LYG1: variants seen among roughly 807,000 people sequenced by gnomAD.
LYG1 encodes lysozyme g-like protein 1.
In LYG1, 17 loss-of-function variants were observed where a neutral mutation model predicts 21.7. The observed-to-expected ratio is 0.78, with a 90% CI of 0.54 to 1.18. LYG1 has a LOEUF of 1.18. Among genes scored for constraint, LYG1 ranks in the 50% most tolerant of loss-of-function variants. The probability of loss-of-function intolerance (pLI) is 0.00; values close to 1 mark genes in which losing one functional copy is unlikely to be tolerated. For missense variants in LYG1, 211 were observed against 238.1 expected (o/e 0.89, Z 0.75); for synonymous variants, 81 against 87.4 (o/e 0.93, Z 0.41).
chr2:99,291,459 G>A (rs551271011), intron 4 of LYG1, 38 bp from the exon 5 acceptor site: 3 of 1,599,592 alleles, frequency 1.9e-6, no homozygotes, highest in Admixed American at 3.4e-5. Context: ...AGCTTGTTGT[G>A]ACTTATGCTG....
intron 5 of LYG1, among the ~76,000 whole-genome samples, chr2:99,288,395 C>A (rs1181454841): frequency 2.6e-5 from 4 of 152,104 alleles, no homozygotes; most frequent in Non-Finnish European, 5.9e-5. Context: ...CCATGTAAAT[C>A]TGGATTTGGG....
At chr2:99,289,781 A>G (rs1206623713) in intron 5 of LYG1, among the ~76,000 whole-genome samples, 3 of 152,168 alleles carry the variant, frequency 2.0e-5, no homozygotes, top group Admixed American at 6.5e-5. Context: ...TTTGATTATC[A>G]CTTCCATGTA....
intron 5 of LYG1, among the ~76,000 whole-genome samples, chr2:99,287,898 G>T (rs1210701396): frequency 6.6e-6 from 1 of 151,874 alleles, no homozygotes; most frequent in Non-Finnish European, 1.5e-5. Flanking sequence ...TATCCTAATG[G>T]ATACGTAAAT....
intron 3 of LYG1, among the ~76,000 whole-genome samples, chr2:99,293,537 T>C (rs184906638): frequency 6.6e-6 from 1 of 152,318 alleles, no homozygotes; most frequent in Non-Finnish European, 1.5e-5. Context: ...GAGAGAGGCA[T>C]GGGACCAGTC....
At chr2:99,299,595 T>G (rs2094148167) in intron 1 of LYG1, among the ~76,000 whole-genome samples, 1 of 151,922 alleles carries the variant, frequency 6.6e-6, no homozygotes, top group African/African-American at 2.4e-5. Flanking sequence ...CAGCTAATTT[T>G]TGTATTTTTA....
At chr2:99,303,474 T>C (rs1439445758), upstream of LYG1, among the ~76,000 whole-genome samples, 3 of 152,028 alleles carry the variant, frequency 2.0e-5, no homozygotes, top group Non-Finnish European at 2.9e-5. Flanking sequence ...CCTGCCTCTC[T>C]ATGATGACTT....
chr2:99,295,118 A>G (rs114237046), intron 3 of LYG1, among the ~76,000 whole-genome samples: 2 of 152,126 alleles, frequency 1.3e-5, no homozygotes, highest in African/African-American at 4.8e-5. Flanking sequence ...AACAAAAACA[A>G]AAGCAAACCA....
intron 5 of LYG1, among the ~76,000 whole-genome samples, chr2:99,286,445 C>T (rs1325838692): frequency 6.6e-6 from 1 of 152,132 alleles, no homozygotes; most frequent in Non-Finnish European, 1.5e-5. Flanking sequence ...GTGGCTCACA[C>T]CTGTAATCCC....
intron 1 of LYG1, among the ~76,000 whole-genome samples, chr2:99,299,380 C>A (rs1329949211): frequency 1.3e-5 from 2 of 149,828 alleles, no homozygotes; most frequent in Non-Finnish European, 3.0e-5. Flanking sequence ...CCATTATAAG[C>A]CTGTAAGAAT....
chr2:99,289,872 T>TG (rs1553523725), intron 5 of LYG1, among the ~76,000 whole-genome samples: 3 of 151,064 alleles, frequency 2.0e-5, no homozygotes, highest in Non-Finnish European at 4.4e-5. Flanking sequence ...TTGTTGTTGT[T>TG]TTTTGAGATG....
intron 4 of LYG1, among the ~76,000 whole-genome samples, chr2:99,292,268 A>C (rs1559220833): frequency 6.6e-6 from 1 of 152,196 alleles, no homozygotes; most frequent in Non-Finnish European, 1.5e-5. Flanking sequence ...CTGGGCAACA[A>C]GACAGAAACT....
chr2:99,297,352 T>C (rs1437724398), intron 2 of LYG1, among the ~76,000 whole-genome samples: 4 of 152,188 alleles, frequency 2.6e-5, no homozygotes, highest in African/African-American at 9.7e-5. Context: ...GAAAAGCTCA[T>C]GGTCTCATGA....
At chr2:99,303,249 C>G (rs1474218864), upstream of LYG1, among the ~76,000 whole-genome samples, 2 of 152,016 alleles carry the variant, frequency 1.3e-5, no homozygotes, top group Non-Finnish European at 2.9e-5. Context: ...CAAAATGGAA[C>G]TCATCCATTT....
chr2:99,284,580 A>G, intron 6 of LYG1, 69 bp from the exon 7 acceptor site: 1 of 1,592,626 alleles, frequency 6.3e-7, no homozygotes, highest in South Asian at 1.1e-5. Flanking sequence ...CTCTTTACTA[A>G]CTACCTAACA....
At chr2:99,287,836 T>C (rs1186783576) in intron 5 of LYG1, among the ~76,000 whole-genome samples, 1 of 152,202 alleles carries the variant, frequency 6.6e-6, no homozygotes, top group Non-Finnish European at 1.5e-5. Flanking sequence ...TAATAGATGA[T>C]ATATGATCAA....
At chr2:99,297,158 G>C (rs1295922168) in intron 2 of LYG1, among the ~76,000 whole-genome samples, 1 of 152,208 alleles carries the variant, frequency 6.6e-6, no homozygotes, top group South Asian at 2.1e-4. Context: ...AGCACAAAAT[G>C]TCATGGTCAG....
chr2:99,290,034 T>A (rs1156706333), intron 5 of LYG1, among the ~76,000 whole-genome samples: 1 of 152,084 alleles, frequency 6.6e-6, no homozygotes, highest in Non-Finnish European at 1.5e-5. Flanking sequence ...AATTTTTGAA[T>A]TTTAGTAGAG....
chr2:99,294,899 T>G (rs2094132043), intron 3 of LYG1, among the ~76,000 whole-genome samples: 1 of 152,112 alleles, frequency 6.6e-6, no homozygotes, highest in Non-Finnish European at 1.5e-5. Context: ...GTCAAGAGTT[T>G]GAGACCAATC....
chr2:99,298,595 C>T (rs974146631), intron 1 of LYG1, 46 bp from the exon 2 acceptor site: 2 of 152,188 alleles, frequency 1.3e-5, no homozygotes, highest in African/African-American at 4.8e-5. Flanking sequence ...GGTTTTCTCA[C>T]CTTAGAAACT....
Sources: gnomAD v4.1 joint callset for allele counts (sites outside exome capture counted in the v4.1 genomes callset) on GRCh38, gnomAD v4.1.1 for gene constraint, MANE v1.5 for transcripts, NCBI Gene and HGNC (gene_info 2026-07-23, HGNC 2026-07-21) for gene names.